Variants in UST observed in about 807,000 individuals in gnomAD.
UST encodes chondroitin sulfate 2-O-sulfotransferase.
Under a neutral mutation model 45.6 loss-of-function variants are expected in UST, and 21 were observed. That is an observed-to-expected ratio of 0.46 (90% confidence interval 0.33 to 0.66). UST has a LOEUF of 0.66. Ranked by LOEUF, UST falls within the 30% of genes least tolerant of loss-of-function variation. The pLI is 0.02. For synonymous variants in UST, 215 were observed against 200.6 expected (o/e 1.07, Z -0.61); for missense variants, 463 against 512.4 (o/e 0.90, Z 0.93).
chr6:148,789,656 T>G (rs967484674), intron 1 of UST, among the ~76,000 whole-genome samples: 1 of 152,038 alleles, frequency 6.6e-6, no homozygotes, highest in Admixed American at 6.5e-5. Flanking sequence ...TTCTAGTGAT[T>G]CTCCTGTCTC....
chr6:149,039,701 A>G (rs1776284166), intron 7 of UST, among the ~76,000 whole-genome samples: 1 of 152,060 alleles, frequency 6.6e-6, no homozygotes, highest in African/African-American at 2.4e-5. Flanking sequence ...GTGATCAAAC[A>G]AAAAAAAGGA....
chr6:149,042,973 TTCTTTCTTTC>T (rs971778233), intron 7 of UST, among the ~76,000 whole-genome samples: 3 of 111,746 alleles, frequency 2.7e-5, no homozygotes, highest in Admixed American at 8.0e-5. Flanking sequence ...CTTTCTTTCT[TTCTTTCTTTC>T]TTTCTTTCTT....
At chr6:148,838,521 ATGCTGTTGCTGT>A (rs201510264) in intron 1 of UST, among the ~76,000 whole-genome samples, 22 of 152,092 alleles carry the variant, frequency 1.4e-4, no homozygotes, top group Non-Finnish European at 2.8e-4. Context: ...TCTTCCTGGG[ATGCTGTTGCTGT>A]TGCTGTTGCT....
In UST at chr6:148,790,265, C is replaced by T. The variant is rs1223356987; in HGVS notation, c.247+42588C>T. On this transcript the variant is annotated intron_variant, in intron 1 of 7. Coordinates refer to ENST00000367463, the MANE Select transcript of UST (RefSeq NM_005715.3). This position sits in a 1 kb window ranked among gnomAD's most constrained non-coding sequence, Gnocchi z 4.2. ...TAATCTCACTCCGTGCTCTTCTGTGCCTCCAACTGGAATGAAAGCTTCTGG... is the reference window on the plus strand; with the variant it reads ...TAATCTCACTCCGTGCTCTTCTGTGTCTCCAACTGGAATGAAAGCTTCTGG... Among the ~76,000 whole-genome samples the T allele has an allele frequency of 2.0e-5, 3 of 152,160 alleles. No homozygotes were observed. Among genetic ancestry groups the T allele is most frequent in the Non-Finnish European group, 4.4e-5 (3 of 68,026 alleles).
intron 2 of UST, among the ~76,000 whole-genome samples, chr6:148,900,852 G>C (rs1383513085): frequency 6.6e-6 from 1 of 152,104 alleles, no homozygotes; most frequent in Admixed American, 6.5e-5. Context: ...GGAAGCTCTG[G>C]GGCAAATCCA....
intron 7 of UST, among the ~76,000 whole-genome samples, chr6:149,050,406 T>A (rs1456811754): frequency 6.6e-6 from 1 of 152,236 alleles, no homozygotes; most frequent in Non-Finnish European, 1.5e-5. Flanking sequence ...TGATTACAGA[T>A]GGCACCTAAT....
At chr6:149,000,085 A>G (rs1781518569) in intron 5 of UST, among the ~76,000 whole-genome samples, 2 of 152,330 alleles carry the variant, frequency 1.3e-5, no homozygotes, top group African/African-American at 4.8e-5. Flanking sequence ...CAAGGAGACT[A>G]GAAGTGTCCT....
intron 1 of UST, among the ~76,000 whole-genome samples, chr6:148,775,377 C>T (rs548854779): frequency 1.2e-3 from 178 of 152,186 alleles, no homozygotes; most frequent in African/African-American, 3.7e-3. Context: ...AGGTGGTGGT[C>T]TTTACCAATG....
At chr6:148,977,208 T>G (rs1781031670) in intron 5 of UST, among the ~76,000 whole-genome samples, 1 of 151,920 alleles carries the variant, frequency 6.6e-6, no homozygotes, top group South Asian at 2.1e-4. Flanking sequence ...GTTCCATTAA[T>G]GTGTATCTTT....
At position 148,908,613 on chromosome 6, in the gene UST, G is replaced by A. The variant is rs138095700; in HGVS notation, c.291+21584G>A. Reference sequence around the variant, plus strand: ...TCTATATTTTGAATGTGTGTTAAACGAATTTAGATTTATAATTTTATATTT... The same window carrying A: ...TCTATATTTTGAATGTGTGTTAAACAAATTTAGATTTATAATTTTATATTT... On this transcript the variant is annotated intron_variant, in intron 2 of 7. Transcript: ENST00000367463. 5.9e-3 allele frequency among the ~76,000 whole-genome samples: 903 copies of A among 152,132 alleles called. 9 individuals are homozygous for A. The highest frequency in any genetic ancestry group is 0.02 in the African/African-American group (846 of 41,518).
intron 1 of UST, among the ~76,000 whole-genome samples, chr6:148,813,401 A>G (rs1051729082): frequency 7.1e-6 from 1 of 140,498 alleles, no homozygotes; most frequent in Non-Finnish European, 1.5e-5. Context: ...TTTTTTTTTG[A>G]GACAGAGTCT....
At chr6:149,012,228 G>A (rs1025379266) in intron 5 of UST, among the ~76,000 whole-genome samples, 2 of 152,178 alleles carry the variant, frequency 1.3e-5, no homozygotes, top group Non-Finnish European at 2.9e-5. Flanking sequence ...GGAGAATGAT[G>A]GTATCTGGCC....
At chr6:148,951,604 A>C (rs956723401) in intron 3 of UST, among the ~76,000 whole-genome samples, 5 of 152,128 alleles carry the variant, frequency 3.3e-5, no homozygotes, top group African/African-American at 1.2e-4. Context: ...AGGTGAAGGA[A>C]CAGGCAGGCT....
At chr6:148,985,903 A>T (rs1236457020) in intron 5 of UST, among the ~76,000 whole-genome samples, 2 of 152,226 alleles carry the variant, frequency 1.3e-5, no homozygotes, top group Non-Finnish European at 2.9e-5. Flanking sequence ...CAAGAGATTT[A>T]TTGGGGGAAA....
At chr6:148,830,902 G>GTGAATGTAT (rs1777672193) in intron 1 of UST, among the ~76,000 whole-genome samples, 1 of 152,120 alleles carries the variant, frequency 6.6e-6, no homozygotes, top group African/African-American at 2.4e-5. Flanking sequence ...GCACAACATT[G>GTGAATGTAT]TGAATGTATT....
chr6:148,784,090 T>C (rs559925130), intron 1 of UST, among the ~76,000 whole-genome samples: 1 of 152,306 alleles, frequency 6.6e-6, no homozygotes, highest in East Asian at 1.9e-4. Context: ...TTCATCATTT[T>C]AAATAAAGAC....
chr6:148,862,134 G>A lies in UST; in HGVS notation c.248-24852G>A, dbSNP rs369652735. On this transcript the variant is annotated intron_variant, in intron 1 of 7. Coordinates refer to ENST00000367463, the MANE Select transcript of UST (RefSeq NM_005715.3). The stretch of plus-strand genomic sequence containing the variant: ...CCATTATTATTGTGTGGGAGTCTAA[G>A]TCTCTTTGTGGGTCTCTAAGGACTT... Among the ~76,000 whole-genome samples, 30 of 152,318 alleles carry A rather than the reference G, an allele frequency of 2.0e-4. No individual in the cohort carries two copies. The South Asian group carries it at 6.2e-3, about 32-fold the overall frequency.
chr6:148,815,448 C>A (rs190612809), intron 1 of UST, among the ~76,000 whole-genome samples: 2 of 152,110 alleles, frequency 1.3e-5, no homozygotes, highest in Admixed American at 1.3e-4. Context: ...ACAAGTGAAC[C>A]CCAAGAGGGC....
intron 7 of UST, among the ~76,000 whole-genome samples, chr6:149,058,732 T>G (rs1313204822): frequency 6.6e-6 from 1 of 152,218 alleles, no homozygotes; most frequent in Non-Finnish European, 1.5e-5. Flanking sequence ...GAGATACATT[T>G]TGTTGATAAA....
Sources: gnomAD v4.1 joint callset for allele counts (sites outside exome capture counted in the v4.1 genomes callset) on GRCh38, gnomAD v4.1.1 for gene constraint, Gnocchi (gnomAD v3.1) non-coding constraint, MANE v1.5 for transcripts, NCBI Gene and HGNC (gene_info 2026-07-23, HGNC 2026-07-21) for gene names.